Variants in ZNF182 observed in about 807,000 individuals in gnomAD.
The protein encoded by ZNF182 is zinc finger protein 21 (KOX 14).
In ZNF182, 10 loss-of-function variants were observed where a neutral mutation model predicts 28.1. The observed-to-expected ratio is 0.36, with a 90% CI of 0.22 to 0.60. The LOEUF (loss-of-function observed/expected upper bound fraction) is 0.60, where lower values mean the gene tolerates loss of function less well. ZNF182 is among the 20% of genes least tolerant of loss of function. The pLI is 0.75. For synonymous variants in ZNF182, 156 were observed against 158.7 expected (o/e 0.98, Z 0.13); for missense variants, 352 against 453.2 (o/e 0.78, Z 2.03).
At position 47,976,285 on chromosome X, in the gene ZNF182, G is replaced by A; in HGVS notation, c.1745C>T (p.Thr582Ile). ...TTGGGTAAAGGCTTTCCCACATTCT[G>A]TACATTTATAGGGTTTCTCTCCAGT... ...THTGEKPYKCTECGKAFTQKS... is the reference protein window; with the variant it reads ...THTGEKPYKCIECGKAFTQKS... The change falls in exon 6 of 6, where the codon ACA (threonine) becomes ATA (isoleucine). Residue 582 changes from threonine (T) to isoleucine (I), a missense_variant. Thr to Ile is a moderately conservative substitution (Grantham distance 89). Transcript: ENST00000376943. 8.3e-7 allele frequency: 1 copy of A among 1,206,652 alleles called. No homozygotes were observed. The highest frequency in any genetic ancestry group is 3.0e-5 in the East Asian group (1 of 33,784).
chrX:47,977,066 T>C lies in ZNF182; in HGVS notation c.964A>G (p.Thr322Ala). The change falls in exon 6 of 6, where the codon ACT becomes GCT. Residue 322 changes from threonine (T) to alanine (A), a missense_variant. Thr to Ala is a moderately conservative substitution (Grantham distance 58). Transcript: ENST00000376943. The stretch of plus-strand genomic sequence containing the variant: ...GTGCATTCATAGGTTTTCTCTCCAG[T>C]GTGGGTTTTCTGATGGACAATGAGG... ...SNLIVHQKTHTGEKTYECTKC... is the reference protein window; with the variant it reads ...SNLIVHQKTHAGEKTYECTKC... 2.5e-6 allele frequency: 3 copies of C among 1,210,540 alleles called. No homozygotes were observed. Among genetic ancestry groups the C allele is most frequent in the Non-Finnish European group, 3.4e-6 (3 of 895,199 alleles).
chrX:48,001,133 C>T (rs2058977182), intron 3 of ZNF182, among the ~76,000 whole-genome samples: 1 of 112,130 alleles, frequency 8.9e-6, no homozygotes, highest in Non-Finnish European at 1.9e-5. Context: ...AATAATTTGG[C>T]AGATTCCTAA....
chrX:47,994,930 C>T (rs782236894), intron 3 of ZNF182, among the ~76,000 whole-genome samples: 3 of 109,720 alleles, frequency 2.7e-5, no homozygotes, highest in South Asian at 4.0e-4. Context: ...TGAGCCACTG[C>T]ACCTGGCCAA....
At chrX:47,982,174 G>A (rs1199367157) in intron 5 of ZNF182, among the ~76,000 whole-genome samples, 3 of 111,992 alleles carry the variant, frequency 2.7e-5, no homozygotes, top group South Asian at 3.6e-4. Context: ...GGTACGATGC[G>A]GATGAACCTT....
chrX:47,989,783 T>G, intron 3 of ZNF182, among the ~76,000 whole-genome samples: 1 of 112,170 alleles, frequency 8.9e-6, no homozygotes, highest in Admixed American at 9.5e-5. Context: ...CTATGTGTGA[T>G]TTTTAATTAT....
At chrX:47,996,915 G>C (rs2058960328) in intron 3 of ZNF182, among the ~76,000 whole-genome samples, 1 of 111,584 alleles carries the variant, frequency 9.0e-6, no homozygotes, top group African/African-American at 3.3e-5. Flanking sequence ...CCTTAATCTG[G>C]GACTTCCCAG....
At chrX:47,998,003 A>G (rs1343947594) in intron 3 of ZNF182, among the ~76,000 whole-genome samples, 1 of 110,469 alleles carries the variant, frequency 9.1e-6, no homozygotes, top group Non-Finnish European at 1.9e-5. Flanking sequence ...AGAACTAAAC[A>G]CCATCAACCA....
At chrX:47,985,686 A>G (rs1404140263) in intron 3 of ZNF182, among the ~76,000 whole-genome samples, 1 of 111,259 alleles carries the variant, frequency 9.0e-6, no homozygotes, top group Non-Finnish European at 1.9e-5. Flanking sequence ...CTTAAGTTGA[A>G]TCAAGGTGTG....
chrX:47,983,347 G>A lies in ZNF182; in HGVS notation c.80C>T (p.Pro27Leu). 1 of 1,210,881 alleles carries A rather than the reference G, an allele frequency of 8.3e-7. No homozygotes were observed. Among genetic ancestry groups the A allele is most frequent in the Non-Finnish European group, 1.1e-6 (1 of 894,968 alleles). Residue 27 changes from proline (P) to leucine (L), a missense_variant, in exon 4 of 6, where the codon CCA becomes CTA. Pro to Leu is a moderately conservative substitution (Grantham distance 98). Transcript: ENST00000376943. ...FTQEEWQYLN[P>L]PQRTLYRDVM... ...GTCTCTGTACAGGGTCCTCTGTGGT[G>A]GGTTCAGGTACTGCCACTCCTCCTG...
At chrX:47,993,875 C>A (rs2058949767) in intron 3 of ZNF182, among the ~76,000 whole-genome samples, 1 of 111,045 alleles carries the variant, frequency 9.0e-6, no homozygotes, top group South Asian at 3.7e-4. Flanking sequence ...TGAACAGAAT[C>A]TCAGGGATAC....
intron 3 of ZNF182, among the ~76,000 whole-genome samples, chrX:47,998,579 G>C (rs568730063): frequency 8.9e-6 from 1 of 112,531 alleles, no homozygotes; most frequent in Non-Finnish European, 1.9e-5. Flanking sequence ...AGAGGAGGCC[G>C]GGTGTGGTGG....
Position 47,975,544 on chromosome X carries a change from T to C in ZNF182, c.*623A>G, listed in dbSNP as rs1185921026. On this transcript the variant is annotated 3_prime_UTR_variant, in exon 6 of 6. Transcript: ENST00000376943. ...TTTTTTTTTTTGACAACTGAGAATT[T>C]TTTCCCCCCACAGCTGTTCGTTCTT... 3.6e-5 allele frequency: 4 copies of C among 110,333 alleles called. No individual in the cohort carries two copies. The highest frequency in any genetic ancestry group is 1.3e-4 in the African/African-American group (4 of 30,156). The allele number at this position is 110,333 out of a possible 1,213,427, so 9.1% of individuals were successfully genotyped here.
chrX:47,988,490 C>G (rs781783928), intron 3 of ZNF182: 1 of 463,238 alleles, frequency 2.2e-6, no homozygotes, highest in African/African-American at 2.4e-5. Context: ...CCTCCCTCCC[C>G]CACTCTTGCT....
chrX:47,988,499 C>G (rs1556900041), intron 3 of ZNF182: 1 of 479,541 alleles, frequency 2.1e-6, no homozygotes, highest in Non-Finnish European at 3.8e-6. Flanking sequence ...CCCACTCTTG[C>G]TCCCACTCTT....
chrX:47,994,117 C>T (rs2058950515), intron 3 of ZNF182, among the ~76,000 whole-genome samples: 1 of 111,713 alleles, frequency 9.0e-6, no homozygotes, highest in African/African-American at 3.3e-5. Context: ...ATTTTGAAAG[C>T]AACCAGAGAA....
chrX:47,997,860 A>G (rs2058964585), intron 3 of ZNF182, among the ~76,000 whole-genome samples: 1 of 111,398 alleles, frequency 9.0e-6, no homozygotes, highest in South Asian at 3.7e-4. Context: ...CTAACAACAG[A>G]GCTTCAAAAT....
At chrX:47,983,481 T>G in intron 3 of ZNF182, 70 bp from the exon 4 acceptor site, 1 of 1,076,638 alleles carries the variant, frequency 9.3e-7, no homozygotes, top group Non-Finnish European at 1.2e-6. Context: ...GCACGGGAAC[T>G]TCTGATTGGG....
intron 5 of ZNF182, among the ~76,000 whole-genome samples, chrX:47,979,027 G>A (rs2058895305): frequency 8.9e-6 from 1 of 111,950 alleles, no homozygotes; most frequent in Non-Finnish European, 1.9e-5. Flanking sequence ...AATAAGATAT[G>A]GCAAGTACTT....
intron 3 of ZNF182, among the ~76,000 whole-genome samples, chrX:47,997,699 G>T (rs112585668): frequency 9.0e-6 from 1 of 111,225 alleles, no homozygotes; most frequent in African/African-American, 3.3e-5. Flanking sequence ...GGCTGAGGCA[G>T]GAGAATCACC....
Sources: gnomAD v4.1 joint callset for allele counts (sites outside exome capture counted in the v4.1 genomes callset) on GRCh38, gnomAD v4.1.1 for gene constraint, MANE v1.5 for transcripts, NCBI Gene and HGNC (gene_info 2026-07-23, HGNC 2026-07-21) for gene names.